Variants in NRF1 observed in about 807,000 individuals in gnomAD.
NRF1 encodes the protein alpha palindromic-binding protein.
A neutral mutation model predicts 58.5 loss-of-function variants in NRF1; 5 were observed. The observed-to-expected ratio is 0.09, with a 90% CI of 0.04 to 0.18. The LOEUF is 0.18. Among genes scored for constraint, NRF1 ranks in the 10% least tolerant of loss-of-function variants. The pLI is 1.00. For synonymous variants in NRF1, 224 were observed against 246.7 expected (o/e 0.91, Z 0.86); for missense variants, 288 against 657.7 (o/e 0.44, Z 6.15).
chr7:129,742,563 G>A (rs1340061675), intron 10 of NRF1, among the ~76,000 whole-genome samples: 6 of 152,190 alleles, frequency 3.9e-5, no homozygotes, highest in Admixed American at 2.0e-4. Flanking sequence ...GGGGCTGGAG[G>A]GTGTTAAAAT....
chr7:129,619,484 GTGTGTGTATATATATATA>G (rs1800739825), intron 1 of NRF1, among the ~76,000 whole-genome samples: 1 of 68,498 alleles, frequency 1.5e-5, no homozygotes, highest in Admixed American at 1.9e-4. Flanking sequence ...GTGTGTGTGT[GTGTGTGTATATATATATA>G]TATATATATA....
At chr7:129,621,255 T>A (rs1408221648) in intron 1 of NRF1, among the ~76,000 whole-genome samples, 1 of 152,166 alleles carries the variant, frequency 6.6e-6, no homozygotes. Context: ...AATAAATTAA[T>A]GCCACTTGGG....
chr7:129,677,450 T>G (rs184284748), intron 3 of NRF1, among the ~76,000 whole-genome samples, 182 bp from the exon 4 acceptor site: 7 of 152,316 alleles, frequency 4.6e-5, no homozygotes, highest in African/African-American at 1.7e-4. Flanking sequence ...TCAGTAGTCT[T>G]TAAGAAAAAG....
At chr7:129,679,842 G>T (rs1457266185) in intron 4 of NRF1, among the ~76,000 whole-genome samples, 2 of 152,064 alleles carry the variant, frequency 1.3e-5, no homozygotes, top group Non-Finnish European at 2.9e-5. Flanking sequence ...TAGATCACTT[G>T]AAGTCAGGAG....
intron 2 of NRF1, among the ~76,000 whole-genome samples, chr7:129,659,723 C>G (rs915322537): frequency 2.6e-5 from 4 of 152,196 alleles, no homozygotes; most frequent in Non-Finnish European, 4.4e-5. Flanking sequence ...GGCCTGCCCC[C>G]CTCTCCCGGA....
chr7:129,674,951 T>G (rs1266995495), intron 3 of NRF1, among the ~76,000 whole-genome samples: 2 of 152,226 alleles, frequency 1.3e-5, no homozygotes, highest in African/African-American at 4.8e-5. Flanking sequence ...ACGATTTCTC[T>G]GTAACGTGGT....
intron 10 of NRF1, among the ~76,000 whole-genome samples, chr7:129,736,357 C>A (rs1466582274): frequency 6.8e-6 from 1 of 146,430 alleles, no homozygotes; most frequent in Non-Finnish European, 1.5e-5. Flanking sequence ...TCTTAGCTCA[C>A]TGCAACCTCC....
At position 129,635,849 on chromosome 7, in the gene NRF1, A is replaced by G. The variant is rs565613772; in HGVS notation, c.-6-21497A>G. 2.0e-5 allele frequency among the ~76,000 whole-genome samples: 3 copies of G among 152,230 alleles called. No homozygotes were observed. In the East Asian group the frequency reaches 5.8e-4, roughly 29 times the overall value. On this transcript the variant is annotated intron_variant, in intron 1 of 10. Transcript: ENST00000393232. ...ATGATCTGTTGACCAGAATTTTGCC[A>G]TAATTTCCTACCTTTTTTTTTTATT...
At chr7:129,733,700 A>G (rs912294238) in intron 10 of NRF1, among the ~76,000 whole-genome samples, 3 of 152,026 alleles carry the variant, frequency 2.0e-5, no homozygotes, top group Admixed American at 6.5e-5. Context: ...TATTCTTTTG[A>G]TTTTTTTCAA....
chr7:129,619,243 G>C (rs185815461), intron 1 of NRF1, among the ~76,000 whole-genome samples: 2 of 150,822 alleles, frequency 1.3e-5, no homozygotes, highest in African/African-American at 2.4e-5. Flanking sequence ...GAAGTTAGCC[G>C]TGTGAAATAC....
intron 1 of NRF1, among the ~76,000 whole-genome samples, chr7:129,647,686 G>A (rs1189361019): frequency 2.0e-5 from 3 of 152,174 alleles, no homozygotes; most frequent in Non-Finnish European, 2.9e-5. Flanking sequence ...GAGCCACCAC[G>A]CCCAGCCCAA....
At chr7:129,667,955 G>C (rs891530679) in intron 2 of NRF1, among the ~76,000 whole-genome samples, 13 of 151,914 alleles carry the variant, frequency 8.6e-5, no homozygotes, top group Admixed American at 7.9e-4. Flanking sequence ...TGTAGATACG[G>C]AGTCTTGCTA....
intron 4 of NRF1, among the ~76,000 whole-genome samples, chr7:129,683,823 A>T (rs967336318): frequency 7.3e-6 from 1 of 136,544 alleles, no homozygotes; most frequent in Admixed American, 7.3e-5. Context: ...ACTAGAGAGG[A>T]GGCTTCACCA....
chr7:129,671,742 A>T (rs1424252295), intron 3 of NRF1, among the ~76,000 whole-genome samples, 199 bp downstream of exon 3: 1 of 152,258 alleles, frequency 6.6e-6, no homozygotes, highest in Non-Finnish European at 1.5e-5. Flanking sequence ...ATATCACATT[A>T]ATTCATTCAG....
Position 129,755,759 on chromosome 7 carries a change from T to G in NRF1, c.*578T>G, listed in dbSNP as rs1189629933. 1.3e-5 allele frequency: 2 copies of G among 152,804 alleles called. No individual in the cohort carries two copies. The highest frequency in any genetic ancestry group is 2.9e-5 in the Non-Finnish European group (2 of 68,208). 9.5% of individuals were successfully genotyped at this position (152,804 alleles called of 1,614,324 possible). A position where few individuals can be genotyped will look rare whatever the true frequency, so the allele number is the denominator to read the frequency against. ...GCCCTTCACCAAAGCTGCCTCCCAG[T>G]GGCCACACAGAACTCTCCCTGCTGG... On this transcript the variant is annotated 3_prime_UTR_variant, in exon 11 of 11. Transcript: ENST00000393232. This position sits in a 1 kb window ranked among gnomAD's most constrained non-coding sequence, Gnocchi z 5.8.
At chr7:129,638,661 T>C (rs1473891653) in intron 1 of NRF1, among the ~76,000 whole-genome samples, 1 of 152,196 alleles carries the variant, frequency 6.6e-6, no homozygotes, top group Admixed American at 6.5e-5. Flanking sequence ...AATGGCAACA[T>C]TGGTAGTAGT....
chr7:129,634,198 G>T (rs933536659), intron 1 of NRF1, among the ~76,000 whole-genome samples: 1 of 151,914 alleles, frequency 6.6e-6, no homozygotes, highest in African/African-American at 2.4e-5. Flanking sequence ...TTGTGTGGTA[G>T]ATTTGTTACA....
intron 8 of NRF1, among the ~76,000 whole-genome samples, chr7:129,715,894 A>G (rs1000716384): frequency 1.3e-5 from 2 of 152,008 alleles, no homozygotes; most frequent in African/African-American, 4.8e-5. Context: ...AATCCCAGCT[A>G]CTTGGGAGGC....
rs759233200 is a variant in NRF1, at chr7:129,660,870, G to T, written c.223+3296G>T. 4.0e-4 allele frequency among the ~76,000 whole-genome samples: 60 copies of T among 150,980 alleles called. 1 individual carries two copies. Among genetic ancestry groups the T allele is most frequent in the Non-Finnish European group, 7.6e-4 (52 of 68,022 alleles). ...TGCCCCCGAAGGGACTCTGTGTGAG[G>T]TCTCCGACCCAACCCCACATTTCCC... On this transcript the variant is annotated intron_variant, in intron 2 of 10. Transcript: ENST00000393232.
Sources: allele counts gnomAD v4.1 joint callset (sites outside exome capture counted in the v4.1 genomes callset), GRCh38; gene constraint gnomAD v4.1.1; non-coding constraint Gnocchi (gnomAD v3.1); transcripts MANE v1.5; gene names NCBI Gene and HGNC (gene_info 2026-07-23, HGNC 2026-07-21).